LGR5: variants seen among roughly 807,000 people sequenced by gnomAD.
LGR5 encodes the protein leucine rich repeat containing G protein-coupled receptor 5.
A neutral mutation model predicts 76.7 loss-of-function variants in LGR5; 54 were observed. That is an observed-to-expected ratio of 0.70 (90% confidence interval 0.57 to 0.88). The LOEUF (loss-of-function observed/expected upper bound fraction) is 0.88. LGR5 is among the 40% of genes least tolerant of loss of function. The pLI is 0.00. For synonymous variants in LGR5, 406 were observed against 421.9 expected (o/e 0.96, Z 0.46); for missense variants, 1,078 against 1,073.3 (o/e 1.00, Z -0.06).
intron 15 of LGR5, among the ~76,000 whole-genome samples, chr12:71,579,411 C>T (rs1785872750): frequency 6.6e-6 from 1 of 152,116 alleles, no homozygotes; most frequent in Non-Finnish European, 1.5e-5. Flanking sequence ...GTAGTTTTTA[C>T]ATACTTTTAA....
intron 3 of LGR5, among the ~76,000 whole-genome samples, chr12:71,530,463 G>A (rs1039798536): frequency 2.0e-5 from 3 of 152,186 alleles, no homozygotes; most frequent in African/African-American, 7.2e-5. Flanking sequence ...TATGGACAAA[G>A]AAGAGAAAAA....
In LGR5 at chr12:71,447,278, A is replaced by G. The variant is rs189713725; in HGVS notation, c.212+6986A>G. The stretch of plus-strand genomic sequence containing the variant: ...ACTTATGTGTCAATTAGAAATCTGC[A>G]TAAGTCATAGAAAAGTCCCCTCCTT... On this transcript the variant is annotated intron_variant, in intron 1 of 17. Transcript: ENST00000266674. 3.0e-4 allele frequency among the ~76,000 whole-genome samples: 46 copies of G among 152,368 alleles called. No homozygotes were observed. In the East Asian group the frequency reaches 7.9e-3, roughly 26 times the overall value.
chr12:71,532,159 T>C (rs1337530593), intron 3 of LGR5, among the ~76,000 whole-genome samples: 1 of 152,206 alleles, frequency 6.6e-6, no homozygotes, highest in African/African-American at 2.4e-5. Context: ...CTTATTTAAA[T>C]GTAACACAAA....
chr12:71,448,878 G>A (rs1274419218), intron 1 of LGR5: 3 of 152,212 alleles, frequency 2.0e-5, no homozygotes, highest in Non-Finnish European at 4.4e-5. Context: ...CTGTCCTGAA[G>A]GGACCCTTAG....
chr12:71,493,785 T>TC (rs1874184425), intron 1 of LGR5, among the ~76,000 whole-genome samples: 1 of 148,804 alleles, frequency 6.7e-6, no homozygotes, highest in Non-Finnish European at 1.5e-5. Context: ...TTTTTTTTTT[T>TC]CGAGACAGGG....
rs559740531 is a variant in LGR5, at chr12:71,459,116, A to G, written c.212+18824A>G. Among the ~76,000 whole-genome samples, 11 of 152,206 alleles carry G rather than the reference A, an allele frequency of 7.2e-5. 2 individuals carry two copies. In the South Asian group the frequency reaches 2.3e-3, roughly 32 times the overall value. On this transcript the variant is annotated intron_variant, in intron 1 of 17. Transcript: ENST00000266674. ...AGTAAGACCAGTATGTACCTTATAC[A>G]AAAGGAGGCCTTAATGCAGTCCCTA...
chr12:71,470,116 A>C (rs1873034426), intron 1 of LGR5, among the ~76,000 whole-genome samples: 1 of 152,178 alleles, frequency 6.6e-6, no homozygotes, highest in African/African-American at 2.4e-5. Context: ...GCAGTATCCA[A>C]AGTGATCTTA....
chr12:71,562,927 C>A (rs886293104), intron 8 of LGR5, among the ~76,000 whole-genome samples: 3 of 152,160 alleles, frequency 2.0e-5, no homozygotes, highest in African/African-American at 7.2e-5. Flanking sequence ...TTCATTGTTT[C>A]TGAAATGTTC....
At chr12:71,521,836 T>G (rs907350923) in intron 2 of LGR5, among the ~76,000 whole-genome samples, 1 of 152,202 alleles carries the variant, frequency 6.6e-6, no homozygotes. Flanking sequence ...GTTCCCAGTC[T>G]TTCATGTGTC....
chr12:71,500,899 C>G (rs2137297701), intron 1 of LGR5, among the ~76,000 whole-genome samples: 1 of 152,272 alleles, frequency 6.6e-6, no homozygotes, highest in Admixed American at 6.5e-5. Flanking sequence ...AGAGACAGGG[C>G]AGAATGGTTT....
At chr12:71,495,077 T>TG (rs778076062) in intron 1 of LGR5, among the ~76,000 whole-genome samples, 7,814 of 149,070 alleles carry the variant, frequency 0.052, 292 homozygotes, top group Non-Finnish European at 0.072. Context: ...TGGGGCGTAG[T>TG]CGGGGGGGGT....
At chr12:71,546,985 T>C (rs549714486) in intron 4 of LGR5, among the ~76,000 whole-genome samples, 1 of 152,118 alleles carries the variant, frequency 6.6e-6, no homozygotes, top group East Asian at 1.9e-4. Flanking sequence ...TAAGAGACAG[T>C]CCCCTTGGCC....
At position 71,584,900 on chromosome 12, in the gene LGR5, G is replaced by A; in HGVS notation, c.*166G>A. The stretch of plus-strand genomic sequence containing the variant: ...AGGCTGAAAACCTCTTGATACTTGA[G>A]AGTGAATATAAGTCTAAATGCTGCT... On this transcript the variant is annotated 3_prime_UTR_variant, in exon 18 of 18. Coordinates refer to ENST00000266674, the MANE Select transcript of LGR5 (RefSeq NM_003667.4). The A allele has an allele frequency of 1.5e-6, 1 of 650,844 alleles. No individual in the cohort carries two copies. Among genetic ancestry groups the A allele is most frequent in the Non-Finnish European group, 2.6e-6 (1 of 383,070 alleles). 40.3% of individuals were successfully genotyped at this position (650,844 alleles called of 1,614,324 possible). A position where few individuals can be genotyped will look rare whatever the true frequency, so the allele number is the denominator to read the frequency against.
chr12:71,556,547 T>A, intron 5 of LGR5, 72 bp from the exon 6 acceptor site: 1 of 1,006,914 alleles, frequency 9.9e-7, no homozygotes, highest in South Asian at 1.3e-5. Context: ...TTTCTTTGGA[T>A]TTAAGCTATC....
intron 2 of LGR5, among the ~76,000 whole-genome samples, chr12:71,508,777 A>AAG (rs1357326144): frequency 4.0e-5 from 6 of 149,848 alleles, no homozygotes; most frequent in Non-Finnish European, 8.9e-5. Flanking sequence ...AAAAAAAAAA[A>AAG]GCATTGTAAC....
chr12:71,490,144 A>AC (rs57746851), intron 1 of LGR5, among the ~76,000 whole-genome samples: 4 of 148,796 alleles, frequency 2.7e-5, no homozygotes, highest in Non-Finnish European at 4.5e-5. Flanking sequence ...AAAAAAAAAA[A>AC]CCCATAAAAA....
At chr12:71,482,293 C>G (rs991919790) in intron 1 of LGR5, among the ~76,000 whole-genome samples, 1 of 152,120 alleles carries the variant, frequency 6.6e-6, no homozygotes, top group Non-Finnish European at 1.5e-5. Flanking sequence ...GCTTAAACAA[C>G]TAAAATTTAT....
chr12:71,504,584 T>C, intron 1 of LGR5, 30 bp from the exon 2 acceptor site: 1 of 1,587,166 alleles, frequency 6.3e-7, no homozygotes, highest in South Asian at 1.1e-5. Context: ...CATTTGCTGC[T>C]CCTCACACGC....
intron 1 of LGR5, among the ~76,000 whole-genome samples, chr12:71,469,786 G>C (rs1304536155): frequency 6.6e-6 from 1 of 151,964 alleles, no homozygotes; most frequent in East Asian, 1.9e-4. Context: ...AAGGAAGGAA[G>C]GGTTTTTACA....
Sources: allele counts gnomAD v4.1 joint callset (sites outside exome capture counted in the v4.1 genomes callset), GRCh38; gene constraint gnomAD v4.1.1; transcripts MANE v1.5; gene names NCBI Gene and HGNC (gene_info 2026-07-23, HGNC 2026-07-21).